Variants in MTFR1 observed in about 807,000 individuals in gnomAD.
MTFR1 encodes mitochondrial fission regulator 1.
A neutral mutation model predicts 38.8 loss-of-function variants in MTFR1; 28 were observed. The observed-to-expected ratio is 0.72, with a 90% CI of 0.53 to 0.99. The LOEUF is 0.99. Ranked by LOEUF, MTFR1 falls within the 50% of genes least tolerant of loss-of-function variation. The pLI, the probability that MTFR1 is intolerant of heterozygous loss-of-function variation, is 0.00. For missense variants in MTFR1, 358 were observed against 395.5 expected (o/e 0.91, Z 0.81); for synonymous variants, 145 against 137.0 (o/e 1.06, Z -0.41).
intron 4 of MTFR1, among the ~76,000 whole-genome samples, chr8:65,702,628 T>C (rs1043255096): frequency 3.3e-5 from 5 of 152,062 alleles, no homozygotes; most frequent in African/African-American, 9.7e-5. Flanking sequence ...TCTAGGACAA[T>C]AGAGTATGTT....
intron 3 of MTFR1, among the ~76,000 whole-genome samples, chr8:65,764,950 G>A (rs1050695316): frequency 6.6e-6 from 1 of 152,142 alleles, no homozygotes; most frequent in East Asian, 1.9e-4. Context: ...TATATGGAGA[G>A]AACTACAAAC....
At chr8:65,736,471 G>A (rs1399219892) in intron 3 of MTFR1, among the ~76,000 whole-genome samples, 1 of 152,146 alleles carries the variant, frequency 6.6e-6, no homozygotes, top group Non-Finnish European at 1.5e-5. Flanking sequence ...AGTTTCTCAA[G>A]GCCAGGTGCA....
the MTFR1 span, among the ~76,000 whole-genome samples, chr8:65,778,296 T>C: frequency 6.6e-6 from 1 of 152,132 alleles, no homozygotes; most frequent in Admixed American, 6.5e-5. Context: ...ATGTAATTAG[T>C]CCAACTACCC....
chr8:65,726,862 T>C (rs1319340971), intron 3 of MTFR1: 1 of 1,453,448 alleles, frequency 6.9e-7, no homozygotes, highest in African/African-American at 1.4e-5. Flanking sequence ...AAATTTGTCT[T>C]AATCCAACCT....
chr8:65,737,663 C>G (rs1199278982), intron 3 of MTFR1, among the ~76,000 whole-genome samples: 2 of 152,062 alleles, frequency 1.3e-5, no homozygotes, highest in Non-Finnish European at 2.9e-5. Context: ...GGATTACAGG[C>G]ACATGCCTCC....
At chr8:65,742,338 T>C (rs1807478492) in intron 3 of MTFR1, among the ~76,000 whole-genome samples, 1 of 152,178 alleles carries the variant, frequency 6.6e-6, no homozygotes, top group African/African-American at 2.4e-5. Flanking sequence ...CAGGTGGCTT[T>C]AGGAGTGACA....
intron 4 of MTFR1, among the ~76,000 whole-genome samples, chr8:65,695,646 C>T (rs1383560909): frequency 6.6e-6 from 1 of 152,232 alleles, no homozygotes; most frequent in South Asian, 2.1e-4. Flanking sequence ...CGTGAGCCAC[C>T]GCACCTAGCT....
At chr8:65,703,077 G>A (rs556159552) in intron 4 of MTFR1, among the ~76,000 whole-genome samples, 29 of 150,280 alleles carry the variant, frequency 1.9e-4, no homozygotes, top group Non-Finnish European at 2.8e-4. Context: ...ACTGTTAAAC[G>A]TTTAAGGTAA....
At chr8:65,706,915 G>A in intron 5 of MTFR1, 95 bp from the exon 6 acceptor site, 1 of 1,374,304 alleles carries the variant, frequency 7.3e-7, no homozygotes, top group Non-Finnish European at 9.9e-7. Context: ...GTTTTTAGGG[G>A]TACAAAAATC....
intron 3 of MTFR1, among the ~76,000 whole-genome samples, chr8:65,690,309 T>C (rs1329727106): frequency 6.6e-6 from 1 of 152,042 alleles, no homozygotes; most frequent in Non-Finnish European, 1.5e-5. Flanking sequence ...CTGAGGCAGG[T>C]GGAACCCCCG....
At chr8:65,744,241 A>G (rs78379235) in intron 3 of MTFR1, among the ~76,000 whole-genome samples, 3 of 152,192 alleles carry the variant, frequency 2.0e-5, no homozygotes, top group Non-Finnish European at 4.4e-5. Context: ...AAAACAACAA[A>G]AAAAAACAGG....
At chr8:65,703,609 T>C (rs946425314) in intron 4 of MTFR1, among the ~76,000 whole-genome samples, 3 of 151,780 alleles carry the variant, frequency 2.0e-5, no homozygotes, top group African/African-American at 7.3e-5. Flanking sequence ...AATTCTTGTA[T>C]TTTTAGTAGA....
In MTFR1 at chr8:65,716,225, A is replaced by G. The variant is rs181876647; in HGVS notation, c.382-3155A>G. ...AATAAAACAACTTTTCAATGGGTTTATTATATGTGTAGGCAGGAAATGGGA... is the reference window on the plus strand; with the variant it reads ...AATAAAACAACTTTTCAATGGGTTTGTTATATGTGTAGGCAGGAAATGGGA... On this transcript the variant is annotated intron_variant, in intron 2 of 3. Transcript: ENST00000521247. Among the ~76,000 whole-genome samples the G allele has an allele frequency of 2.7e-3, 410 of 151,962 alleles. 1 individual carries two copies. The highest frequency in any genetic ancestry group is 9.6e-3 in the African/African-American group (398 of 41,470).
At chr8:65,715,489 C>T (rs903054339), downstream of MTFR1, among the ~76,000 whole-genome samples, 5 of 151,346 alleles carry the variant, frequency 3.3e-5, no homozygotes, top group African/African-American at 9.7e-5. Flanking sequence ...GCAATTCTTC[C>T]GCCTCAGCCT....
intron 3 of MTFR1, among the ~76,000 whole-genome samples, chr8:65,751,854 A>C (rs1268117067): frequency 6.6e-6 from 1 of 152,202 alleles, no homozygotes; most frequent in Non-Finnish European, 1.5e-5. Flanking sequence ...ATTTTACATA[A>C]ATGGTAGCAT....
the MTFR1 span, among the ~76,000 whole-genome samples, chr8:65,777,539 C>T: frequency 6.6e-6 from 1 of 152,134 alleles, no homozygotes; most frequent in African/African-American, 2.4e-5. Flanking sequence ...CCTCTATATT[C>T]ATGAGCGATT....
intron 3 of MTFR1, chr8:65,720,410 G>A (rs1038189514): frequency 3.2e-5 from 5 of 154,052 alleles, no homozygotes; most frequent in South Asian, 2.0e-4. Context: ...CAAGACTCTC[G>A]TTGCAGCAAA....
At chr8:65,676,881 A>G (rs959698364) in intron 2 of MTFR1, among the ~76,000 whole-genome samples, 4 of 152,018 alleles carry the variant, frequency 2.6e-5, no homozygotes, top group Non-Finnish European at 5.9e-5. Context: ...AGAACAAACT[A>G]CTTTCCTGTT....
chr8:65,768,191 C>T (rs1020201619), intron 3 of MTFR1, among the ~76,000 whole-genome samples: 9 of 152,146 alleles, frequency 5.9e-5, no homozygotes, highest in African/African-American at 1.7e-4. Context: ...AGGGTTTTTC[C>T]TACACAGTGA....
Sources: gnomAD v4.1 joint callset for allele counts (sites outside exome capture counted in the v4.1 genomes callset) on GRCh38, gnomAD v4.1.1 for gene constraint, MANE v1.5 for transcripts, NCBI Gene and HGNC (gene_info 2026-07-23, HGNC 2026-07-21) for gene names.